TMEM132B: variants seen among roughly 807,000 people sequenced by gnomAD.
The protein encoded by TMEM132B is transmembrane protein 132B.
In TMEM132B, 18 loss-of-function variants were observed where a neutral mutation model predicts 90.8. The observed-to-expected ratio is 0.20, with a 90% confidence interval of 0.14 to 0.29. The LOEUF is 0.29. TMEM132B is among the 10% of genes least tolerant of loss of function. The pLI is 1.00. For synonymous variants in TMEM132B, 504 were observed against 523.3 expected, an observed-to-expected ratio of 0.96 and a Z score of 0.50; for missense variants, 1,096 against 1,326.8, an observed-to-expected ratio of 0.83 and a Z score of 2.70.
intron 3 of TMEM132B, among the ~76,000 whole-genome samples, chr12:125,419,027 C>T (rs1454816018): frequency 6.6e-6 from 1 of 152,194 alleles, no homozygotes; most frequent in Non-Finnish European, 1.5e-5. Flanking sequence ...TGATTCTTGT[C>T]TGGCTGTTGG....
chr12:125,228,129 A>G (rs1352895530), intron 1 of TMEM132B, among the ~76,000 whole-genome samples: 1 of 152,202 alleles, frequency 6.6e-6, no homozygotes, highest in East Asian at 1.9e-4. Flanking sequence ...AGTAGCTGGA[A>G]TCTGCCACCT....
chr12:125,527,553 C>CATTTACCT (rs1419887713), intron 4 of TMEM132B, among the ~76,000 whole-genome samples: 253 of 139,140 alleles, frequency 1.8e-3, no homozygotes, highest in African/African-American at 5.1e-3. Context: ...CCCATCCACC[C>CATTTACCT]TTCCATCCAC....
intron 3 of TMEM132B, among the ~76,000 whole-genome samples, chr12:125,427,660 C>T (rs1166635261): frequency 6.6e-6 from 1 of 152,208 alleles, no homozygotes; most frequent in Non-Finnish European, 1.5e-5. Context: ...CTCGAGGTTA[C>T]AGGATGCTGG....
intron 5 of TMEM132B, among the ~76,000 whole-genome samples, chr12:125,604,704 G>A (rs1739515054): frequency 6.6e-6 from 1 of 152,228 alleles, no homozygotes; most frequent in East Asian, 1.9e-4. Flanking sequence ...GGATGTGGTG[G>A]AGCATATTCT....
chr12:125,361,549 C>T (rs1877958467), intron 2 of TMEM132B, among the ~76,000 whole-genome samples: 1 of 152,200 alleles, frequency 6.6e-6, no homozygotes, highest in Non-Finnish European at 1.5e-5. Flanking sequence ...GGAAAGTGTG[C>T]AGAGACACAG....
Position 125,493,704 on chromosome 12 carries a change from G to A in TMEM132B, c.1107-25735G>A, listed in dbSNP as rs974947241. Among the ~76,000 whole-genome samples the A allele has an allele frequency of 2.0e-5, 3 of 152,152 alleles. No homozygotes were observed. The East Asian group carries it at 5.8e-4, about 29-fold the overall frequency. ...GCAGGCAGGAGGAGGGGGAGGTAGA[G>A]TGAGCCCCTCCTTCTGCTTCTCTGC... On this transcript the variant is annotated intron_variant, in intron 3 of 8. Coordinates refer to ENST00000682704, the MANE Select transcript of TMEM132B (RefSeq NM_001366854.1).
intron 4 of TMEM132B, among the ~76,000 whole-genome samples, chr12:125,550,969 C>T (rs915645758): frequency 4.6e-5 from 7 of 152,140 alleles, no homozygotes; most frequent in African/African-American, 9.7e-5. Flanking sequence ...TGTGCCAGCA[C>T]GCTCAGCTAC....
intron 1 of TMEM132B, among the ~76,000 whole-genome samples, chr12:125,224,736 C>T (rs753871737): frequency 6.6e-6 from 1 of 152,226 alleles, no homozygotes; most frequent in Non-Finnish European, 1.5e-5. Flanking sequence ...TTTTAGAAAG[C>T]CTTCTTCCTC....
In TMEM132B at chr12:125,532,585, G is replaced by A. The variant is rs948672052; in HGVS notation, c.1293+12960G>A. ...GCTGGAGTGCAGTGGTGCGATCTTGGCTCACCACAACCTCCGCCTCCTGAA... is the reference window on the plus strand; with the variant it reads ...GCTGGAGTGCAGTGGTGCGATCTTGACTCACCACAACCTCCGCCTCCTGAA... On this transcript the variant is annotated intron_variant, in intron 4 of 8. Transcript: ENST00000682704. Among the ~76,000 whole-genome samples the A allele has an allele frequency of 2.0e-5, 3 of 151,826 alleles. No individual in the cohort carries two copies. In the East Asian group the frequency reaches 5.8e-4, roughly 29 times the overall value.
Position 125,213,905 on chromosome 12 carries a change from A to G in TMEM132B, c.67+27039A>G, listed in dbSNP as rs546886588. 8.5e-5 allele frequency among the ~76,000 whole-genome samples: 13 copies of G among 152,360 alleles called. No individual in the cohort carries two copies. Among genetic ancestry groups the G allele is most frequent in the Non-Finnish European group, 1.5e-4 (10 of 68,036 alleles). ...TTTAGGATAACTCATTCATTTATCA[A>G]TCTATCCAAATGGATGGATTTAGTC... is the stretch of plus-strand genomic sequence containing the variant. On this transcript the variant is annotated intron_variant, in intron 1 of 8. Transcript: ENST00000682704. This position sits in a 1 kb window ranked among gnomAD's most constrained non-coding sequence, Gnocchi z 4.2.
At chr12:125,254,842 C>A (rs1299269852) in intron 1 of TMEM132B, among the ~76,000 whole-genome samples, 2 of 152,126 alleles carry the variant, frequency 1.3e-5, no homozygotes, top group Non-Finnish European at 2.9e-5. Flanking sequence ...TGCCACCACA[C>A]CCGGCTAATA....
At chr12:125,621,440 G>A (rs1886109232) in intron 5 of TMEM132B, among the ~76,000 whole-genome samples, 1 of 152,146 alleles carries the variant, frequency 6.6e-6, no homozygotes, top group East Asian at 1.9e-4. Flanking sequence ...GGGAGTATGG[G>A]AGCGGGGCTT....
chr12:125,522,307 A>G (rs1369043485), intron 4 of TMEM132B, among the ~76,000 whole-genome samples: 1 of 152,212 alleles, frequency 6.6e-6, no homozygotes, highest in African/African-American at 2.4e-5. Context: ...AGCCATAAGA[A>G]AGAATGTGAA....
In TMEM132B at chr12:125,186,916, T is replaced by A. The variant is rs1185621386; in HGVS notation, c.67+50T>A. 6.6e-6 allele frequency: 1 copy of A among 151,768 alleles called. No homozygotes were observed. Among genetic ancestry groups the A allele is most frequent in the Non-Finnish European group, 1.5e-5 (1 of 67,948 alleles). The allele number at this position is 151,768 out of a possible 1,614,324, so 9.4% of individuals were successfully genotyped here. A position where few individuals can be genotyped will look rare whatever the true frequency, so the allele number is the denominator to read the frequency against. ...CCGACCCCGGCCGAGGCGCACAAAG[T>A]TGGGTGAACGGGCGGCTACCTCCTT... On this transcript the variant is annotated intron_variant, in intron 1 of 8. Transcript: ENST00000682704. This position sits in a 1 kb window ranked among gnomAD's most constrained non-coding sequence, Gnocchi z 6.3.
intron 3 of TMEM132B, among the ~76,000 whole-genome samples, chr12:125,450,265 A>T (rs138194721): frequency 6.6e-6 from 1 of 152,302 alleles, no homozygotes; most frequent in African/African-American, 2.4e-5. Flanking sequence ...GTCAGAGTAG[A>T]TACAAGGTGA....
At chr12:125,544,163 G>C (rs1470675069) in intron 4 of TMEM132B, among the ~76,000 whole-genome samples, 3 of 152,216 alleles carry the variant, frequency 2.0e-5, no homozygotes, top group Middle Eastern at 3.4e-3. Context: ...AACACATGGA[G>C]GGGAACAACA....
chr12:125,285,754 G>A (rs1048560277), intron 1 of TMEM132B, among the ~76,000 whole-genome samples: 8 of 152,186 alleles, frequency 5.3e-5, no homozygotes, highest in South Asian at 2.1e-4. Context: ...AGGTCTGGCC[G>A]CTGCCCCATC....
chr12:125,559,254 A>G (rs1410944798), intron 4 of TMEM132B, among the ~76,000 whole-genome samples: 2 of 152,104 alleles, frequency 1.3e-5, no homozygotes, highest in Non-Finnish European at 2.9e-5. Context: ...TAGTCCTACC[A>G]CTCAGGAGGC....
Position 125,654,089 on chromosome 12 carries a change from C to T in TMEM132B, c.2631C>T (p.Phe877=). The stretch of plus-strand genomic sequence containing the variant: ...GTGGTCCAGATGCCTTTACAAGCTT[C>T]CCCACTCAAGGGAAGTCACCGGACC... ...KSGGPDAFTS[F]PTQGKSPDPN... Residue 877 remains phenylalanine (F), a synonymous_variant, in exon 9 of 9, where the codon TTC becomes TTT. Coordinates refer to ENST00000682704, the MANE Select transcript of TMEM132B (RefSeq NM_001366854.1). This position sits in a 1 kb window ranked among gnomAD's most constrained non-coding sequence, Gnocchi z 5.8. 2 of 1,614,186 alleles carry T rather than the reference C, an allele frequency of 1.2e-6. No homozygotes were observed. The highest frequency in any genetic ancestry group is 1.7e-6 in the Non-Finnish European group (2 of 1,180,028).
Sources: gnomAD v4.1 joint callset for allele counts (sites outside exome capture counted in the v4.1 genomes callset) on GRCh38, gnomAD v4.1.1 for gene constraint, Gnocchi (gnomAD v3.1) non-coding constraint, MANE v1.5 for transcripts, NCBI Gene and HGNC (gene_info 2026-07-23, HGNC 2026-07-21) for gene names.